Variants in ACOT13 observed in about 807,000 individuals in gnomAD.
ACOT13 encodes the protein acyl-coenzyme A thioesterase 13.
A neutral mutation model predicts 11.8 loss-of-function variants in ACOT13; 10 were observed. That is an observed-to-expected ratio of 0.85 (90% confidence interval 0.53 to 1.44). ACOT13 has a LOEUF of 1.44. Among genes scored for constraint, ACOT13 ranks in the 40% most tolerant of loss-of-function variants. ACOT13 has a pLI of 0.00. For missense variants in ACOT13, 172 were observed against 174.1 expected (o/e 0.99, Z 0.07); for synonymous variants, 53 against 61.0 (o/e 0.87, Z 0.61).
chr6:24,671,393 A>G (rs1443255347), intron 1 of ACOT13, among the ~76,000 whole-genome samples: 1 of 149,104 alleles, frequency 6.7e-6, no homozygotes, highest in Non-Finnish European at 1.5e-5. Context: ...GTTCTCACTC[A>G]TAGTTGGGAA....
At chr6:24,670,933 T>G (rs898630963) in intron 1 of ACOT13, among the ~76,000 whole-genome samples, 4 of 151,992 alleles carry the variant, frequency 2.6e-5, no homozygotes, top group African/African-American at 9.7e-5. Flanking sequence ...TCTCCAAAGT[T>G]AATGGAGACC....
At chr6:24,693,480 A>T (rs963362066) in intron 1 of ACOT13, among the ~76,000 whole-genome samples, 13 of 151,506 alleles carry the variant, frequency 8.6e-5, no homozygotes, top group Non-Finnish European at 1.3e-4. Flanking sequence ...CAACCCTTTT[A>T]AAAAAAGACC....
chr6:24,682,401 G>A (rs988451303), intron 1 of ACOT13, among the ~76,000 whole-genome samples: 6 of 152,180 alleles, frequency 3.9e-5, no homozygotes, highest in Non-Finnish European at 7.3e-5. Flanking sequence ...TCTCTTACCT[G>A]GGGTTCTTGG....
In ACOT13 at chr6:24,692,787, A is replaced by G. The variant is rs540007466; in HGVS notation, c.82-5096A>G. Among the ~76,000 whole-genome samples the G allele has an allele frequency of 6.6e-5, 10 of 152,310 alleles. No individual in the cohort carries two copies. The South Asian group carries it at 1.0e-3, about 16-fold the overall frequency. ...AAGGGCAGTACAGTACATTATCTCTATCAATGGGGAAACCTCAGTTCAGGG... is the reference window on the plus strand; with the variant it reads ...AAGGGCAGTACAGTACATTATCTCTGTCAATGGGGAAACCTCAGTTCAGGG... On this transcript the variant is annotated intron_variant, in intron 1 of 2. Coordinates refer to ENST00000230048, the MANE Select transcript of ACOT13 (RefSeq NM_018473.4).
At position 24,703,274 on chromosome 6, in the gene ACOT13, T is replaced by A. The variant is rs1778926400; in HGVS notation, c.*1659T>A. On this transcript the variant is annotated 3_prime_UTR_variant, in exon 3 of 3. Transcript: ENST00000230048. The stretch of plus-strand genomic sequence containing the variant: ...AAGTAAATTTAAGTCAAGTTAACAG[T>A]TAAAGACAAATCCTTTCCCTACATT... 6.6e-6 allele frequency: 1 copy of A among 152,126 alleles called. No homozygotes were observed. The highest frequency in any genetic ancestry group is 1.5e-5 in the Non-Finnish European group (1 of 68,030). The allele number at this position is 152,126 out of a possible 1,614,324, so 9.4% of individuals were successfully genotyped here.
Position 24,704,085 on chromosome 6 carries a change from A to G in ACOT13, c.*2470A>G, listed in dbSNP as rs1341445047. 3 of 152,226 alleles carry G rather than the reference A, an allele frequency of 2.0e-5. No homozygotes were observed. The highest frequency in any genetic ancestry group is 7.2e-5 in the African/African-American group (3 of 41,458). 9.4% of individuals were successfully genotyped at this position (152,226 alleles called of 1,614,324 possible). A position where few individuals can be genotyped will look rare whatever the true frequency, so the allele number is the denominator to read the frequency against. ...GGACAACAAAACGAATATGGATGAT[A>G]AAGAGTATCAACATTCCCTGAGTTT... On this transcript the variant is annotated 3_prime_UTR_variant, in exon 3 of 3. Coordinates refer to ENST00000230048, the MANE Select transcript of ACOT13 (RefSeq NM_018473.4).
At chr6:24,671,613 TAAAA>T (rs983471698) in intron 1 of ACOT13, among the ~76,000 whole-genome samples, 16 of 151,358 alleles carry the variant, frequency 1.1e-4, no homozygotes, top group Non-Finnish European at 2.1e-4. Context: ...AAGTATAATT[TAAAA>T]AAACAAATTT....
chr6:24,692,569 C>T (rs1183894210), intron 1 of ACOT13, among the ~76,000 whole-genome samples: 1 of 151,884 alleles, frequency 6.6e-6, no homozygotes, highest in Non-Finnish European at 1.5e-5. Flanking sequence ...AGGCACATGC[C>T]ACCATGCCTG....
chr6:24,689,603 T>G (rs1778691256), intron 1 of ACOT13, among the ~76,000 whole-genome samples: 1 of 152,144 alleles, frequency 6.6e-6, no homozygotes, highest in African/African-American at 2.4e-5. Flanking sequence ...TTAAGAAAAT[T>G]TTGTATACCC....
In ACOT13 at chr6:24,667,185, C is replaced by G. The variant is rs568140793; in HGVS notation, c.-79C>G. On this transcript the variant is annotated 5_prime_UTR_variant, in exon 1 of 3. Transcript: ENST00000230048. ...GCTCTTCGCCCTTTGTGTCCTCCTT[C>G]TTTCACTAACTTCTGGACTTTCCAG... 3.8e-5 allele frequency: 55 copies of G among 1,444,700 alleles called. No individual in the cohort carries two copies. In the Middle Eastern group the frequency reaches 8.8e-4, roughly 23 times the overall value. The allele number at this position is 1,444,700 out of a possible 1,614,324, so 89.5% of individuals were successfully genotyped here.
intron 1 of ACOT13, 58 bp downstream of exon 1, chr6:24,667,402 G>A: frequency 6.7e-7 from 1 of 1,503,288 alleles, no homozygotes; most frequent in Non-Finnish European, 9.2e-7. Flanking sequence ...AAAGCACCGT[G>A]CTTGGTGCCG....
At chr6:24,681,878 C>A (rs1372810724) in intron 1 of ACOT13, among the ~76,000 whole-genome samples, 1 of 152,150 alleles carries the variant, frequency 6.6e-6, no homozygotes, top group Non-Finnish European at 1.5e-5. Flanking sequence ...TCAAGAAAGT[C>A]GTGGTCAGGA....
At chr6:24,675,001 A>G (rs1411653384) in intron 1 of ACOT13, among the ~76,000 whole-genome samples, 2 of 150,756 alleles carry the variant, frequency 1.3e-5, no homozygotes, top group Non-Finnish European at 3.0e-5. Flanking sequence ...CTTTCCTTGA[A>G]ATAGTTTGCT....
intron 1 of ACOT13, among the ~76,000 whole-genome samples, chr6:24,678,799 G>A (rs576519155): frequency 8.5e-5 from 13 of 152,280 alleles, no homozygotes; most frequent in South Asian, 2.1e-4. Context: ...AGGACCCCTC[G>A]GATAGTGACA....
chr6:24,701,737 GA>G lies in ACOT13; in HGVS notation c.*126del. 9.4e-7 allele frequency: 1 copy of G among 1,063,328 alleles called. No individual in the cohort carries two copies. The highest frequency in any genetic ancestry group is 1.3e-6 in the Non-Finnish European group (1 of 763,118). The allele number at this position is 1,063,328 out of a possible 1,614,324, so 65.9% of individuals were successfully genotyped here. ...GAAGCAGCTAGAAATATTCTTGGAG[GA>G]AAAGGACCTGGATATCAAGTAGGGT... On this transcript the variant is annotated 3_prime_UTR_variant, in exon 3 of 3. Coordinates refer to ENST00000230048, the MANE Select transcript of ACOT13 (RefSeq NM_018473.4).
At chr6:24,699,417 A>G (rs368709419) in intron 2 of ACOT13, among the ~76,000 whole-genome samples, 31 of 152,070 alleles carry the variant, frequency 2.0e-4, no homozygotes, top group East Asian at 5.8e-4. Flanking sequence ...TCACCGTGTT[A>G]GCCAGGCTGG....
chr6:24,671,141 T>C lies in ACOT13; in HGVS notation c.81+3797T>C, dbSNP rs530687576. On this transcript the variant is annotated intron_variant, in intron 1 of 2. Transcript: ENST00000230048. ...ATACCCAAAGGATTATAAATCATGC[T>C]ACGATAAAGACACATGCACATGTAT... Among the ~76,000 whole-genome samples the C allele has an allele frequency of 1.6e-4, 24 of 152,308 alleles. No homozygotes were observed. The South Asian group carries it at 5.0e-3, about 32-fold the overall frequency.
intron 2 of ACOT13, among the ~76,000 whole-genome samples, chr6:24,698,964 G>C (rs1054270563): frequency 1.3e-5 from 2 of 152,122 alleles, no homozygotes; most frequent in Non-Finnish European, 2.9e-5. Context: ...GACATGTTCT[G>C]TGAGTTAAAC....
chr6:24,685,718 G>A (rs1308595879), intron 1 of ACOT13, among the ~76,000 whole-genome samples: 1 of 151,830 alleles, frequency 6.6e-6, no homozygotes, highest in East Asian at 1.9e-4. Flanking sequence ...TGCTCCCCGA[G>A]GGACATTGGC....
Sources: allele counts gnomAD v4.1 joint callset (sites outside exome capture counted in the v4.1 genomes callset), GRCh38; gene constraint gnomAD v4.1.1; transcripts MANE v1.5; gene names NCBI Gene and HGNC (gene_info 2026-07-23, HGNC 2026-07-21).